SDK1: variants seen among roughly 807,000 people sequenced by gnomAD.
SDK1 encodes sidekick cell adhesion molecule 1, also known as protein sidekick-1.
In SDK1, 157 loss-of-function variants were observed where a neutral mutation model predicts 245.5. The ratio of observed to expected loss-of-function variants is 0.64; its 90% confidence interval spans 0.56 to 0.73. SDK1 has a LOEUF of 0.73. SDK1 is among the 30% of genes least tolerant of loss of function. The pLI is 0.00. For missense variants in SDK1, 3,583 were observed against 3,002.3 expected (o/e 1.19, Z -4.52); for synonymous variants, 1,647 against 1,278.5 (o/e 1.29, Z -6.15).
chr7:3,874,572 C>T (rs1781029459), intron 5 of SDK1, among the ~76,000 whole-genome samples: 1 of 152,170 alleles, frequency 6.6e-6, no homozygotes, highest in South Asian at 2.1e-4. Flanking sequence ...ATTCCCGCCT[C>T]CCTTCCAGGG....
intron 5 of SDK1, among the ~76,000 whole-genome samples, chr7:3,833,725 A>G (rs944265538): frequency 1.2e-4 from 18 of 152,210 alleles, no homozygotes; most frequent in African/African-American, 4.1e-4. Flanking sequence ...TGGTACCATC[A>G]TATTTGAAAA....
chr7:4,065,698 T>C lies in SDK1; in HGVS notation c.2912-2140T>C, dbSNP rs1434330335. Among the ~76,000 whole-genome samples the C allele has an allele frequency of 3.9e-5, 3 of 77,394 alleles. No individual in the cohort carries two copies. In the African/African-American group the frequency reaches 5.0e-4, roughly 13 times the overall value. 50.8% of individuals were successfully genotyped at this position (77,394 alleles called of 152,430 possible). ...TCACCCAGATGAGTGGTTGTTGTTT[T>C]TTTTTTTTTTTTTTTTTTTTTTTTT... is the stretch of plus-strand genomic sequence containing the variant. On this transcript the variant is annotated intron_variant, in intron 19 of 44. Coordinates refer to ENST00000404826, the MANE Select transcript of SDK1 (RefSeq NM_152744.4).
intron 4 of SDK1, among the ~76,000 whole-genome samples, chr7:3,749,064 A>G (rs1025395074): frequency 7.9e-5 from 12 of 152,220 alleles, no homozygotes; most frequent in African/African-American, 2.4e-5. Flanking sequence ...TATTCTCACT[A>G]TTCTTTGCCT....
chr7:3,859,759 C>A (rs1257380475), intron 5 of SDK1, among the ~76,000 whole-genome samples: 2 of 152,170 alleles, frequency 1.3e-5, no homozygotes, highest in Admixed American at 1.3e-4. Flanking sequence ...ACCACACTGC[C>A]CACCACACCT....
intron 1 of SDK1, among the ~76,000 whole-genome samples, chr7:3,589,293 G>C (rs1014120605): frequency 1.3e-5 from 2 of 152,082 alleles, no homozygotes; most frequent in Non-Finnish European, 2.9e-5. Context: ...TCTCACAGTT[G>C]GCGTGGGCCT....
chr7:3,714,245 C>T (rs1440878952), intron 4 of SDK1, among the ~76,000 whole-genome samples: 4 of 152,198 alleles, frequency 2.6e-5, no homozygotes, highest in Non-Finnish European at 5.9e-5. Context: ...AGGCCTTGAT[C>T]ACTCCTTGTG....
intron 16 of SDK1, 84 bp downstream of exon 16, chr7:4,012,319 G>C: frequency 7.3e-7 from 1 of 1,361,568 alleles, no homozygotes; most frequent in East Asian, 2.7e-5. Context: ...TCTAATGTCT[G>C]TAAGAGCCAA....
chr7:3,718,897 C>T (rs182596790), intron 4 of SDK1, among the ~76,000 whole-genome samples: 1 of 152,260 alleles, frequency 6.6e-6, no homozygotes, highest in Admixed American at 6.5e-5. Context: ...ACAAAAAAGT[C>T]CCAAGCTAAT....
intron 4 of SDK1, among the ~76,000 whole-genome samples, chr7:3,750,377 T>G (rs1468279383): frequency 6.6e-6 from 1 of 152,218 alleles, no homozygotes; most frequent in African/African-American, 2.4e-5. Context: ...AATGTAAATT[T>G]ATAATTTATA....
At chr7:3,935,325 T>C (rs769246650) in intron 5 of SDK1, among the ~76,000 whole-genome samples, 2 of 152,142 alleles carry the variant, frequency 1.3e-5, no homozygotes, top group Non-Finnish European at 2.9e-5. Flanking sequence ...AAGAAAACTT[T>C]ATGACATTAG....
At chr7:4,213,768 C>G (rs1205198984) in intron 38 of SDK1, among the ~76,000 whole-genome samples, 1 of 152,192 alleles carries the variant, frequency 6.6e-6, no homozygotes, top group Non-Finnish European at 1.5e-5. Context: ...ACACAAGACC[C>G]TGCACATCTG....
intron 4 of SDK1, among the ~76,000 whole-genome samples, chr7:3,670,154 C>G (rs1783653363): frequency 6.6e-6 from 1 of 152,198 alleles, no homozygotes; most frequent in Non-Finnish European, 1.5e-5. Context: ...TCTTCTCTCT[C>G]CATTCCCCAT....
At chr7:3,479,799 T>C (rs1177703806) in intron 1 of SDK1, among the ~76,000 whole-genome samples, 1 of 151,480 alleles carries the variant, frequency 6.6e-6, no homozygotes, top group Non-Finnish European at 1.5e-5. Flanking sequence ...GAGGCAGAGG[T>C]TGAAGTGAGC....
At chr7:3,726,186 G>C (rs995087609) in intron 4 of SDK1, among the ~76,000 whole-genome samples, 5 of 152,130 alleles carry the variant, frequency 3.3e-5, no homozygotes, top group African/African-American at 1.2e-4. Flanking sequence ...ATAAGTAGCG[G>C]AACCCAATTC....
intron 1 of SDK1, among the ~76,000 whole-genome samples, chr7:3,441,326 T>A (rs1780190114): frequency 6.6e-6 from 1 of 152,136 alleles, no homozygotes; most frequent in Non-Finnish European, 1.5e-5. Context: ...TTTGAATGTA[T>A]CTCTTGCAGA....
chr7:3,463,587 C>G (rs1780899758), intron 1 of SDK1, among the ~76,000 whole-genome samples: 1 of 152,180 alleles, frequency 6.6e-6, no homozygotes, highest in African/African-American at 2.4e-5. Flanking sequence ...TCATGGCTTT[C>G]ACTACTGGAG....
intron 35 of SDK1, among the ~76,000 whole-genome samples, chr7:4,179,416 C>T (rs551471797): frequency 6.6e-6 from 1 of 151,410 alleles, no homozygotes; most frequent in Admixed American, 6.6e-5. Context: ...AGGGGCGGCT[C>T]GGACTGCGGG....
At chr7:3,409,347 G>C (rs565875768) in intron 1 of SDK1, among the ~76,000 whole-genome samples, 18 of 144,036 alleles carry the variant, frequency 1.2e-4, no homozygotes, top group East Asian at 2.0e-4. Flanking sequence ...CAATACTCTT[G>C]GTTAACCTGA....
At chr7:3,453,877 A>G (rs1207083551) in intron 1 of SDK1, among the ~76,000 whole-genome samples, 2 of 152,020 alleles carry the variant, frequency 1.3e-5, no homozygotes, top group Non-Finnish European at 2.9e-5. Flanking sequence ...TTTTAATGGC[A>G]CTGAGAGACA....
Sources: allele counts gnomAD v4.1 joint callset (sites outside exome capture counted in the v4.1 genomes callset), GRCh38; gene constraint gnomAD v4.1.1; transcripts MANE v1.5; gene names NCBI Gene and HGNC (gene_info 2026-07-23, HGNC 2026-07-21).